Variants in SLC23A3 observed in about 807,000 individuals in gnomAD.
The protein encoded by SLC23A3 is E2-binding protein 3.
SLC23A3 carries 41 observed loss-of-function variants against 64.7 expected under a neutral mutation model. The observed-to-expected ratio is 0.63, with a 90% confidence interval of 0.49 to 0.82. The LOEUF is 0.82. SLC23A3 is among the 40% of genes least tolerant of loss of function. The pLI is 0.00. For missense variants in SLC23A3, 647 were observed against 733.4 expected, an observed-to-expected ratio of 0.88 and a Z score of 1.36; for synonymous variants, 281 against 306.8, an observed-to-expected ratio of 0.92 and a Z score of 0.88.
chr2:219,168,674 T>C lies in SLC23A3; in HGVS notation c.652A>G (p.Thr218Ala), dbSNP rs1950029456. 1.2e-6 allele frequency: 2 copies of C among 1,613,740 alleles called. No individual in the cohort carries two copies. Among genetic ancestry groups the C allele is most frequent in the South Asian group, 2.2e-5 (2 of 91,050 alleles). The change falls in exon 5 of 12, where the codon ACA becomes GCA. Residue 218 changes from threonine (T) to alanine (A), a missense_variant. Physicochemically the swap from Thr to Ala is moderately conservative, Grantham distance 58. Coordinates refer to ENST00000409878, the MANE Select transcript of SLC23A3 (RefSeq NM_001144889.2). Reference sequence around the variant, plus strand: ...TACAGCAAGGCCAACCCCCAGTGTGTGAAGCAGAACTGGGCTACCTCCCTG... The same window carrying C: ...TACAGCAAGGCCAACCCCCAGTGTGCGAAGCAGAACTGGGCTACCTCCCTG... ...AHREVAQFCF[T>A]HWGLALLVIL...
intron 7 of SLC23A3, among the ~76,000 whole-genome samples, chr2:219,167,694 T>C (rs1446286460): frequency 6.6e-6 from 1 of 150,998 alleles, no homozygotes; most frequent in Non-Finnish European, 1.5e-5. Flanking sequence ...TGAGCCATGA[T>C]CACGCCATGC....
At chr2:219,164,072 A>C (rs957986397) in intron 9 of SLC23A3, among the ~76,000 whole-genome samples, 161 bp downstream of exon 9, 2 of 152,246 alleles carry the variant, frequency 1.3e-5, no homozygotes, top group Non-Finnish European at 2.9e-5. Flanking sequence ...TTGGGCTGAG[A>C]AATTGAGGCT....
At chr2:219,167,827 A>C in intron 7 of SLC23A3, 103 bp downstream of exon 7, 1 of 954,138 alleles carries the variant, frequency 1.0e-6, no homozygotes, top group Non-Finnish European at 1.6e-6. Flanking sequence ...TATGTTTTCA[A>C]AAAACACAGG....
At chr2:219,167,086 C>T (rs370500622) in intron 7 of SLC23A3, among the ~76,000 whole-genome samples, 2 of 151,740 alleles carry the variant, frequency 1.3e-5, no homozygotes, top group African/African-American at 2.4e-5. Context: ...GGCGAAATCC[C>T]GTCTCTACAA....
chr2:219,168,620 G>C, intron 5 of SLC23A3, 32 bp downstream of exon 5: 1 of 1,604,922 alleles, frequency 6.2e-7, no homozygotes, highest in Non-Finnish European at 8.5e-7. Context: ...CCCCCACTGG[G>C]CACCATCCCA....
chr2:219,163,890 C>A (rs576927855), intron 9 of SLC23A3, among the ~76,000 whole-genome samples: 25 of 151,966 alleles, frequency 1.6e-4, no homozygotes, highest in African/African-American at 5.6e-4. Context: ...TTAGTAGAGA[C>A]AGGGTTTCAT....
In SLC23A3 at chr2:219,168,033, T is replaced by A. The variant is rs1343457831; in HGVS notation, c.810A>T (p.Pro270=). 7.6e-6 allele frequency: 12 copies of A among 1,584,994 alleles called. No homozygotes were observed. Among genetic ancestry groups the A allele is most frequent in the Non-Finnish European group, 1.0e-5 (12 of 1,169,920 alleles). ...CAGAAACAATCCACACACAGGCCAC[T>A]GGGATCAGCACCTGAGGGGCGAGAC... ...PVFRLLSVLI[P]VACVWIVSAF... is the part of the protein sequence containing the mutation. The change falls in exon 7 of 12, where the codon CCA becomes CCT. Residue 270 remains proline, a synonymous_variant. Transcript: ENST00000409878.
intron 7 of SLC23A3, among the ~76,000 whole-genome samples, chr2:219,167,588 CAAAAAA>C (rs34130254): frequency 3.3e-5 from 2 of 61,082 alleles, no homozygotes; most frequent in African/African-American, 6.8e-5. Flanking sequence ...CCTGTCTCTA[CAAAAAA>C]AAAAAAAAAA....
chr2:219,162,135 G>A lies in SLC23A3; in HGVS notation c.1607C>T (p.Pro536Leu). The A allele has an allele frequency of 6.2e-7, 1 of 1,614,120 alleles. No individual in the cohort carries two copies. The change falls in exon 12 of 12, where the codon CCT becomes CTT. Residue 536 changes from proline to leucine, a missense_variant. Transcript: ENST00000409878. Reference sequence around the variant, plus strand: ...AGCAGCCTTCTCCCTGGGCTTCTGAGGCATTCGAGCCTCTTGGGCAGTGAA... The same window carrying A: ...AGCAGCCTTCTCCCTGGGCTTCTGAAGCATTCGAGCCTCTTGGGCAGTGAA... The part of the protein sequence containing the change: ...SPFTAQEARM[P>L]QKPREKAAQV...
chr2:219,163,577 A>T, intron 9 of SLC23A3, 22 bp from the exon 10 acceptor site: 2 of 1,613,714 alleles, frequency 1.2e-6, no homozygotes, highest in Non-Finnish European at 1.7e-6. Context: ...AGAAGAAATC[A>T]AGGGGGTCAG....
Position 219,169,012 on chromosome 2 carries a change from C to A in SLC23A3, c.492+17G>T. The A allele has an allele frequency of 6.2e-7, 1 of 1,610,812 alleles. No homozygotes were observed. The highest frequency in any genetic ancestry group is 8.5e-7 in the Non-Finnish European group (1 of 1,177,008). ...GCCTGGCACCACCCTTATCCCTTCT[C>A]ACCTCCAGATACCCACCTCCTGGAG... On this transcript the variant is annotated intron_variant, in intron 4 of 11. Coordinates refer to ENST00000409878, the MANE Select transcript of SLC23A3 (RefSeq NM_001144889.2). This position sits in a 1 kb window ranked among gnomAD's most constrained non-coding sequence, Gnocchi z 4.5.
Position 219,162,211 on chromosome 2 carries a change from A to G in SLC23A3, c.1538-7T>C. On this transcript the variant is annotated splice_polypyrimidine_tract_variant and splice_region_variant and intron_variant, in intron 11 of 11. Transcript: ENST00000409878. The stretch of plus-strand genomic sequence containing the variant: ...CCTCGCTCAAGCTGTGTGCCTGCAA[A>G]AGAGAGGTTTGTCAGGCTATTGCCC... 1 of 1,610,736 alleles carries G rather than the reference A, an allele frequency of 6.2e-7. No individual in the cohort carries two copies. The highest frequency in any genetic ancestry group is 2.2e-5 in the East Asian group (1 of 44,802).
At chr2:219,167,682 C>T (rs773278424) in intron 7 of SLC23A3, among the ~76,000 whole-genome samples, 6 of 151,128 alleles carry the variant, frequency 4.0e-5, no homozygotes, top group South Asian at 2.1e-4. Context: ...GTTGAGGTTG[C>T]GTGAGCCATG....
chr2:219,169,384 A>G lies in SLC23A3; in HGVS notation c.343T>C (p.Ser115Pro). 6.2e-7 allele frequency: 1 copy of G among 1,614,196 alleles called. No homozygotes were observed. Among genetic ancestry groups the G allele is most frequent in the Non-Finnish European group, 8.5e-7 (1 of 1,180,028 alleles). The change falls in exon 3 of 12, where the codon TCC (serine) becomes CCC (proline). Residue 115 changes from serine (S) to proline (P), a missense_variant. Ser to Pro is a moderately conservative substitution (Grantham distance 74). Coordinates refer to ENST00000409878, the MANE Select transcript of SLC23A3 (RefSeq NM_001144889.2). This position sits in a 1 kb window ranked among gnomAD's most constrained non-coding sequence, Gnocchi z 4.5. Reference protein sequence around the residue: ...GSRLPLVQAPSLEFLIPALVL... With the variant: ...GSRLPLVQAPPLEFLIPALVL... The stretch of plus-strand genomic sequence containing the variant: ...AGAGCAGGGATAAGGAACTCTAAGG[A>G]TGGAGCCTGGACAAGAGGCAGCCTG...
At chr2:219,163,859 G>A (rs1382651504) in intron 9 of SLC23A3, among the ~76,000 whole-genome samples, 4 of 151,972 alleles carry the variant, frequency 2.6e-5, no homozygotes, top group African/African-American at 9.7e-5. Flanking sequence ...GTGCCACCAC[G>A]CCCAGCTAAT....
chr2:219,164,159 C>T, intron 9 of SLC23A3, 74 bp downstream of exon 9: 3 of 964,922 alleles, frequency 3.1e-6, no homozygotes, highest in Non-Finnish European at 3.2e-6. Flanking sequence ...GGAAAGGGTG[C>T]CATCCTAAAG....
chr2:219,164,711 C>T (rs1949987873), intron 8 of SLC23A3: 2 of 248,596 alleles, frequency 8.0e-6, no homozygotes, highest in Non-Finnish European at 1.5e-5. Flanking sequence ...AGGTGCACAA[C>T]ACCATGCCCA....
chr2:219,162,360 C>G lies in SLC23A3; in HGVS notation c.1476G>C (p.Leu492=), dbSNP rs1418113401. 1.9e-6 allele frequency: 3 copies of G among 1,613,956 alleles called. No homozygotes were observed. In the Admixed American group the frequency reaches 5.0e-5, roughly 27 times the overall value. The change falls in exon 11 of 12, where the codon CTG becomes CTC. Residue 492 remains leucine, a synonymous_variant. Coordinates refer to ENST00000409878, the MANE Select transcript of SLC23A3 (RefSeq NM_001144889.2). ...CAGCCAGGAAGATGGGCTGTGTCAG[C>G]AGTGAGTGCAGTAATACATCCAAGG... ...WSPLDVLLHS[L]LTQPIFLAGL... is the part of the protein sequence containing the mutation.
At chr2:219,167,492 T>C (rs1950014552) in intron 7 of SLC23A3, among the ~76,000 whole-genome samples, 1 of 147,208 alleles carries the variant, frequency 6.8e-6, no homozygotes, top group Non-Finnish European at 1.5e-5. Context: ...TGGGGCACAG[T>C]GGCTCATGCC....
Sources: gnomAD v4.1 joint callset for allele counts (sites outside exome capture counted in the v4.1 genomes callset) on GRCh38, gnomAD v4.1.1 for gene constraint, Gnocchi (gnomAD v3.1) non-coding constraint, MANE v1.5 for transcripts, NCBI Gene and HGNC (gene_info 2026-07-23, HGNC 2026-07-21) for gene names.